The following MMP24 variants were observed in gnomAD, a reference collection of about 807,000 sequenced individuals.
MMP24 encodes matrix metallopeptidase 24, also known as matrix metalloproteinase-24.
Under a neutral mutation model 62.8 loss-of-function variants are expected in MMP24, and 25 were observed. That is an observed-to-expected ratio of 0.40 (90% confidence interval 0.29 to 0.56). The LOEUF (loss-of-function observed/expected upper bound fraction) is 0.56, where lower values mean the gene tolerates loss of function less well. Among genes scored for constraint, MMP24 ranks in the 20% least tolerant of loss-of-function variants. The pLI is 0.50. For missense variants in MMP24, 634 were observed against 853.6 expected (o/e 0.74, Z 3.21); for synonymous variants, 319 against 350.5 (o/e 0.91, Z 1.00).
intron 2 of MMP24, among the ~76,000 whole-genome samples, chr20:35,249,682 G>A (rs957885801): frequency 1.3e-5 from 2 of 151,638 alleles, no homozygotes; most frequent in Non-Finnish European, 1.5e-5. Flanking sequence ...TCCACCTCCT[G>A]GGTTCAAGCC....
chr20:35,274,852 T>C lies in MMP24; in HGVS notation c.*243T>C. ...CTTCTGTCCTGGGCAAACTACTCCCTACTTAAGGGAATAGGCCAGGCTCCA... is the reference window on the plus strand; with the variant it reads ...CTTCTGTCCTGGGCAAACTACTCCCCACTTAAGGGAATAGGCCAGGCTCCA... On this transcript the variant is annotated 3_prime_UTR_variant, in exon 9 of 9. Transcript: ENST00000246186. The surrounding 1 kb of genome is among the most constrained non-coding windows in gnomAD (Gnocchi z 5.1). 1 of 545,498 alleles carries C rather than the reference T, an allele frequency of 1.8e-6. No homozygotes were observed. Among genetic ancestry groups the C allele is most frequent in the Non-Finnish European group, 3.3e-6 (1 of 305,992 alleles). The allele number at this position is 545,498 out of a possible 1,614,324, so 33.8% of individuals were successfully genotyped here.
At chr20:35,263,714 T>G in intron 4 of MMP24, 77 bp from the exon 5 acceptor site, 2 of 1,292,560 alleles carry the variant, frequency 1.5e-6, no homozygotes, top group African/African-American at 3.1e-5. Context: ...GCTCGGTGTT[T>G]GCTGAGGTAA....
Position 35,274,097 on chromosome 20 carries a change from G to A in MMP24, c.1601-175G>A, listed in dbSNP as rs1600810400. Among the ~76,000 whole-genome samples, 1 of 152,080 alleles carries A rather than the reference G, an allele frequency of 6.6e-6. No homozygotes were observed. The highest frequency in any genetic ancestry group is 1.9e-4 in the East Asian group (1 of 5,168). Reference sequence around the variant, plus strand: ...GACAGGCGGACCACTCCAGGTCCCGGGTGCCCCCCTCTGCAGCTTCTTACT... The same window carrying A: ...GACAGGCGGACCACTCCAGGTCCCGAGTGCCCCCCTCTGCAGCTTCTTACT... On this transcript the variant is annotated intron_variant, in intron 8 of 8. Coordinates refer to ENST00000246186, the MANE Select transcript of MMP24 (RefSeq NM_006690.4). The surrounding 1 kb of genome is among the most constrained non-coding windows in gnomAD (Gnocchi z 5.1).
chr20:35,267,052 T>C (rs1029154417), intron 5 of MMP24, among the ~76,000 whole-genome samples, 153 bp from the exon 6 acceptor site: 2 of 152,134 alleles, frequency 1.3e-5, no homozygotes, highest in African/African-American at 4.8e-5. Flanking sequence ...TTTTCATCCA[T>C]TTTCTCAAAG....
At chr20:35,245,677 G>A (rs974156982) in intron 1 of MMP24, among the ~76,000 whole-genome samples, 3 of 151,784 alleles carry the variant, frequency 2.0e-5, no homozygotes, top group Non-Finnish European at 2.9e-5. Context: ...TCGAACTCCT[G>A]ACCTCAAGTG....
intron 5 of MMP24, among the ~76,000 whole-genome samples, chr20:35,265,657 T>G (rs562406633): frequency 2.5e-4 from 38 of 152,090 alleles, no homozygotes; most frequent in Admixed American, 9.8e-4. Context: ...GGTGGGAGGA[T>G]TGCTTGAGGC....
At chr20:35,237,945 G>A (rs2060471451) in intron 1 of MMP24, among the ~76,000 whole-genome samples, 1 of 152,156 alleles carries the variant, frequency 6.6e-6, no homozygotes, top group African/African-American at 2.4e-5. Context: ...GAGAAACTGA[G>A]GGAAAAAACC....
intron 5 of MMP24, 120 bp downstream of exon 5, chr20:35,264,072 CTCTG>C: frequency 8.8e-7 from 1 of 1,140,476 alleles, no homozygotes; most frequent in South Asian, 1.7e-5. Flanking sequence ...GCTGCTGTTT[CTCTG>C]TGTGTGACCT....
chr20:35,231,717 A>C (rs865918947), intron 1 of MMP24, among the ~76,000 whole-genome samples: 2 of 152,130 alleles, frequency 1.3e-5, no homozygotes, highest in African/African-American at 2.4e-5. Context: ...GATGATGTGA[A>C]TTGCCTATCA....
intron 5 of MMP24, among the ~76,000 whole-genome samples, chr20:35,266,680 C>T (rs6087694): frequency 6.6e-6 from 1 of 152,186 alleles, no homozygotes; most frequent in Admixed American, 6.6e-5. Context: ...TCAGCATCAC[C>T]TGAGAGTGTG....
Position 35,226,912 on chromosome 20 carries a change from G to A in MMP24, c.174G>A (p.Gly58=). The A allele has an allele frequency of 1.0e-6, 1 of 981,148 alleles. No individual in the cohort carries two copies. Among genetic ancestry groups the A allele is most frequent in the Non-Finnish European group, 1.2e-6 (1 of 828,738 alleles). 60.8% of individuals were successfully genotyped at this position (981,148 alleles called of 1,614,324 possible). ...CGCGGGCGGCGGCGGCGGCGGCGGG[G>A]GCAGGGAACCGGGCAGCGGTGGCGG... ...GAARAAAAAA[G]AGNRAAVAVA... Residue 58 remains glycine, a synonymous_variant, in exon 1 of 9, where the codon GGG becomes GGA. Coordinates refer to ENST00000246186, the MANE Select transcript of MMP24 (RefSeq NM_006690.4).
intron 2 of MMP24, among the ~76,000 whole-genome samples, chr20:35,248,240 G>A (rs1033544023): frequency 1.3e-5 from 2 of 151,810 alleles, no homozygotes; most frequent in African/African-American, 4.8e-5. Context: ...ATCTCTCTGG[G>A]TCTCAGTGTG....
At chr20:35,238,222 A>G (rs572615237) in intron 1 of MMP24, among the ~76,000 whole-genome samples, 13 of 152,358 alleles carry the variant, frequency 8.5e-5, no homozygotes, top group East Asian at 3.9e-4. Flanking sequence ...ATAGTCAATT[A>G]TAAGTGACAC....
In MMP24 at chr20:35,274,303, C is replaced by T. The variant is rs751011753; in HGVS notation, c.1632C>T (p.Tyr544=). The T allele has an allele frequency of 6.2e-7, 1 of 1,613,022 alleles. No individual in the cohort carries two copies. The highest frequency in any genetic ancestry group is 1.1e-5 in the South Asian group (1 of 91,062). The part of the protein sequence containing the change: ...YYTYFYKGRD[Y]WKFDNQKLSV... ...CCTATTTCTACAAGGGCCGGGACTA[C>T]TGGAAGTTTGACAACCAGAAACTGA... Residue 544 remains tyrosine, a synonymous_variant, in exon 9 of 9, where the codon TAC becomes TAT. Coordinates refer to ENST00000246186, the MANE Select transcript of MMP24 (RefSeq NM_006690.4). This position sits in a 1 kb window ranked among gnomAD's most constrained non-coding sequence, Gnocchi z 5.1.
intron 5 of MMP24, among the ~76,000 whole-genome samples, chr20:35,266,351 CAAAA>C (rs3055615): frequency 1.4e-4 from 8 of 56,608 alleles, no homozygotes; most frequent in African/African-American, 4.0e-4. Context: ...GACTCCTTCT[CAAAA>C]AAAAAAAAAA....
intron 5 of MMP24, among the ~76,000 whole-genome samples, chr20:35,265,098 G>A (rs2060625949): frequency 1.3e-5 from 2 of 152,194 alleles, no homozygotes; most frequent in Admixed American, 1.3e-4. Context: ...ATCAGACATG[G>A]GGTGAGAGGA....
At chr20:35,246,554 T>TA (rs1337707973) in intron 1 of MMP24, among the ~76,000 whole-genome samples, 1 of 152,068 alleles carries the variant, frequency 6.6e-6, no homozygotes, top group Non-Finnish European at 1.5e-5. Flanking sequence ...AATAAATGAG[T>TA]AAAGAGGCAG....
At chr20:35,262,516 G>T (rs927725442) in intron 4 of MMP24, among the ~76,000 whole-genome samples, 1 of 151,156 alleles carries the variant, frequency 6.6e-6, no homozygotes, top group Non-Finnish European at 1.5e-5. Context: ...GCCCTAAGGC[G>T]GTTTTTCCCT....
chr20:35,250,892 C>T (rs997574539), intron 2 of MMP24, among the ~76,000 whole-genome samples: 2 of 152,172 alleles, frequency 1.3e-5, no homozygotes, highest in African/African-American at 4.8e-5. Flanking sequence ...CCAACAGAGA[C>T]ACAAATCAAA....
Sources: allele counts gnomAD v4.1 joint callset (sites outside exome capture counted in the v4.1 genomes callset), GRCh38; gene constraint gnomAD v4.1.1; non-coding constraint Gnocchi (gnomAD v3.1); transcripts MANE v1.5; gene names NCBI Gene and HGNC (gene_info 2026-07-23, HGNC 2026-07-21).